WIF1: variants seen among roughly 807,000 people sequenced by gnomAD.
WIF1 encodes the protein Wnt inhibitory factor 1.
A neutral mutation model predicts 53.5 loss-of-function variants in WIF1; 35 were observed. The observed-to-expected ratio is 0.65, with a 90% CI of 0.50 to 0.87. The LOEUF (loss-of-function observed/expected upper bound fraction) is 0.87, where lower values mean the gene tolerates loss of function less well. Among genes scored for constraint, WIF1 ranks in the 40% least tolerant of loss-of-function variants. The pLI is 0.00. For missense variants in WIF1, 467 were observed against 476.8 expected (o/e 0.98, Z 0.19); for synonymous variants, 171 against 170.4 (o/e 1.00, Z -0.03).
At chr12:65,089,842 T>C (rs7397906) in intron 2 of WIF1, among the ~76,000 whole-genome samples, 55,260 of 152,000 alleles carry the variant, frequency 0.36, 12,595 homozygotes, top group Middle Eastern at 0.55. Flanking sequence ...ACGGTAAAAA[T>C]CTATTTTCTT....
chr12:65,107,611 C>G (rs902056106), intron 2 of WIF1, among the ~76,000 whole-genome samples: 5 of 152,192 alleles, frequency 3.3e-5, no homozygotes, highest in Non-Finnish European at 7.3e-5. Context: ...CAGAGCAAGA[C>G]TCCATCTAAA....
intron 2 of WIF1, among the ~76,000 whole-genome samples, chr12:65,112,140 A>G (rs980035953): frequency 5.3e-5 from 8 of 152,180 alleles, no homozygotes; most frequent in African/African-American, 1.9e-4. Flanking sequence ...ATCCATTTCC[A>G]GTGTTCAGCT....
At chr12:65,063,012 C>CA (rs764999410) in intron 6 of WIF1, among the ~76,000 whole-genome samples, 6 of 151,936 alleles carry the variant, frequency 3.9e-5, no homozygotes, top group Non-Finnish European at 7.4e-5. Context: ...CAGGACCTGA[C>CA]AAAAAAGCAA....
At chr12:65,084,302 G>A (rs553089626) in intron 2 of WIF1, among the ~76,000 whole-genome samples, 2 of 152,170 alleles carry the variant, frequency 1.3e-5, no homozygotes, top group Admixed American at 1.3e-4. Context: ...CACCACTTTT[G>A]CCATGTTACA....
intron 7 of WIF1, among the ~76,000 whole-genome samples, chr12:65,058,988 G>T (rs1171265529): frequency 6.6e-6 from 1 of 151,990 alleles, no homozygotes; most frequent in African/African-American, 2.4e-5. Flanking sequence ...GAAGGCGGAG[G>T]TTGCAGAGAG....
In WIF1 at chr12:65,051,434, G is replaced by A; in HGVS notation, c.1055C>T (p.Ala352Val). 6.2e-7 allele frequency: 1 copy of A among 1,613,212 alleles called. No individual in the cohort carries two copies. Among genetic ancestry groups the A allele is most frequent in the Non-Finnish European group, 8.5e-7 (1 of 1,179,604 alleles). The change falls in exon 10 of 10, where the codon GCA becomes GTA. Residue 352 changes from alanine to valine, a missense_variant. Physicochemically the swap from Ala to Val is moderately conservative, Grantham distance 64. Transcript: ENST00000286574. ...CGTGTGCTGCCTGAGCTGGGCGCCT[G>A]CTGGCCTCAGGGCATGTATGAGGCT... ...EASLIHALRP[A>V]GAQLRQHTPS...
At chr12:65,100,209 T>C (rs1018792729) in intron 2 of WIF1, among the ~76,000 whole-genome samples, 2 of 152,182 alleles carry the variant, frequency 1.3e-5, no homozygotes, top group African/African-American at 4.8e-5. Flanking sequence ...GAAGTATAAT[T>C]TATAATGTAG....
chr12:65,068,783 G>T lies in WIF1; in HGVS notation c.519C>A (p.Phe173Leu). Residue 173 changes from phenylalanine to leucine, a missense_variant, in exon 4 of 10, where the codon TTC (phenylalanine) becomes TTA (leucine). Physicochemically the swap from Phe to Leu is conservative, Grantham distance 22 (BLOSUM62 0). Transcript: ENST00000286574. ...TILQTPQNAI[F>L]FKTCQQAECP... ...GCTTACCTTGTTGACATGTTTTAAA[G>T]AAGATAGCATTTTGAGGTGTTTGGA... The T allele has an allele frequency of 6.2e-7, 1 of 1,613,408 alleles. No individual in the cohort carries two copies. The highest frequency in any genetic ancestry group is 8.5e-7 in the Non-Finnish European group (1 of 1,179,600).
intron 2 of WIF1, among the ~76,000 whole-genome samples, chr12:65,091,695 T>C (rs1408757294): frequency 6.6e-6 from 1 of 152,200 alleles, no homozygotes; most frequent in Non-Finnish European, 1.5e-5. Flanking sequence ...TCCATTTCAA[T>C]GAATAGCTCT....
chr12:65,109,678 G>A (rs1332066114), intron 2 of WIF1, among the ~76,000 whole-genome samples: 2 of 152,212 alleles, frequency 1.3e-5, no homozygotes, highest in Non-Finnish European at 2.9e-5. Flanking sequence ...AGTTGTCAGA[G>A]CAGATCTGAG....
chr12:65,086,238 A>G (rs1475813905), intron 2 of WIF1, among the ~76,000 whole-genome samples: 1 of 152,104 alleles, frequency 6.6e-6, no homozygotes, highest in Non-Finnish European at 1.5e-5. Context: ...GCCAAAATTT[A>G]TAATGGAAAG....
intron 3 of WIF1, among the ~76,000 whole-genome samples, chr12:65,073,302 C>A (rs962751768): frequency 5.3e-5 from 8 of 152,180 alleles, no homozygotes; most frequent in Admixed American, 3.9e-4. Context: ...CTGAGGTCAC[C>A]TATAAGAAGA....
intron 3 of WIF1, among the ~76,000 whole-genome samples, chr12:65,073,399 T>A (rs1478871360): frequency 2.0e-5 from 3 of 152,148 alleles, no homozygotes; most frequent in African/African-American, 7.2e-5. Context: ...GCTCTGTTGG[T>A]TTCATGGTCA....
At chr12:65,064,671 G>A (rs1450242675) in intron 6 of WIF1, among the ~76,000 whole-genome samples, 1 of 151,974 alleles carries the variant, frequency 6.6e-6, no homozygotes, top group African/African-American at 2.4e-5. Flanking sequence ...AAAAATTACT[G>A]GAGTCTGATG....
chr12:65,112,908 C>G (rs1565761557), intron 2 of WIF1, among the ~76,000 whole-genome samples: 2 of 152,226 alleles, frequency 1.3e-5, no homozygotes, highest in Non-Finnish European at 2.9e-5. Flanking sequence ...TGGCTCCCTT[C>G]CTTCCCCAGG....
chr12:65,055,731 C>T (rs886329405), intron 8 of WIF1, among the ~76,000 whole-genome samples: 2 of 152,310 alleles, frequency 1.3e-5, no homozygotes, highest in East Asian at 1.9e-4. Flanking sequence ...GCCTAGATCG[C>T]GCCACTGCAC....
At chr12:65,071,258 A>G (rs1372618436) in intron 3 of WIF1, among the ~76,000 whole-genome samples, 1 of 151,064 alleles carries the variant, frequency 6.6e-6, no homozygotes, top group Non-Finnish European at 1.5e-5. Flanking sequence ...AAAAAAAGGA[A>G]AGAAAGAAAA....
chr12:65,068,797 G>C lies in WIF1; in HGVS notation c.505C>G (p.Gln169Glu), dbSNP rs1303645603. ...CATGTTTTAAAGAAGATAGCATTTT[G>C]AGGTGTTTGGAGAATGGTGTTGCCT... ...SEGNTILQTP[Q>E]NAIFFKTCQQ... Residue 169 changes from glutamine (Q) to glutamate (E), a missense_variant, in exon 4 of 10, where the codon CAA becomes GAA. Gln to Glu is a conservative substitution (Grantham distance 29). Coordinates refer to ENST00000286574, the MANE Select transcript of WIF1 (RefSeq NM_007191.5). 6.2e-7 allele frequency: 1 copy of C among 1,613,506 alleles called. No homozygotes were observed. The highest frequency in any genetic ancestry group is 1.3e-5 in the African/African-American group (1 of 74,872).
intron 3 of WIF1, among the ~76,000 whole-genome samples, chr12:65,069,473 G>T (rs1292608888): frequency 1.3e-5 from 2 of 152,108 alleles, no homozygotes; most frequent in Non-Finnish European, 2.9e-5. Flanking sequence ...AATATTTTAC[G>T]ACTCAGACTA....
Sources: gnomAD v4.1 joint callset for allele counts (sites outside exome capture counted in the v4.1 genomes callset) on GRCh38, gnomAD v4.1.1 for gene constraint, MANE v1.5 for transcripts, NCBI Gene and HGNC (gene_info 2026-07-23, HGNC 2026-07-21) for gene names.